The following SYT14 variants were observed in gnomAD, a reference collection of about 807,000 sequenced individuals.
SYT14 encodes the protein synaptotagmin 14.
SYT14 carries 32 observed loss-of-function variants against 74.2 expected under a neutral mutation model. The ratio of observed to expected loss-of-function variants is 0.43; its 90% CI spans 0.33 to 0.58. The LOEUF (loss-of-function observed/expected upper bound fraction) is 0.58, where lower values mean the gene tolerates loss of function less well. Among genes scored for constraint, SYT14 ranks in the 20% least tolerant of loss-of-function variants. The pLI is 0.05. For synonymous variants in SYT14, 298 were observed against 337.7 expected (o/e 0.88, Z 1.29); for missense variants, 791 against 981.8 (o/e 0.81, Z 2.60).
At chr1:209,952,100 T>C (rs553141695) in intron 1 of SYT14, among the ~76,000 whole-genome samples, 1 of 152,280 alleles carries the variant, frequency 6.6e-6, no homozygotes. Flanking sequence ...GTTTTATATA[T>C]TAGTGCACTT....
At position 210,038,427 on chromosome 1, in the gene SYT14, A is replaced by T. The variant is rs185126669; in HGVS notation, c.1312+17173A>T. 6.5e-4 allele frequency among the ~76,000 whole-genome samples: 99 copies of T among 152,216 alleles called. 4 individuals are homozygous for T. In the East Asian group the frequency reaches 0.014, roughly 22 times the overall value. The stretch of plus-strand genomic sequence containing the variant: ...TTTAAGGCATTTATGGTCAAGATTA[A>T]TATTGATATGTAGGGTTTCTTCTTG... On this transcript the variant is annotated intron_variant, in intron 5 of 9. Transcript: ENST00000637265.
At chr1:210,035,167 ACTG>A (rs1239402575) in intron 5 of SYT14, among the ~76,000 whole-genome samples, 1 of 151,606 alleles carries the variant, frequency 6.6e-6, no homozygotes, top group Non-Finnish European at 1.5e-5. Flanking sequence ...AGTCATTCTG[ACTG>A]GTGTCATATG....
chr1:210,120,048 GT>G (rs1408890203), intron 7 of SYT14, among the ~76,000 whole-genome samples: 1 of 151,964 alleles, frequency 6.6e-6, no homozygotes, highest in African/African-American at 2.4e-5. Flanking sequence ...TCTTAGAATT[GT>G]TTTTATAGGC....
At chr1:210,023,492 T>A (rs540912412) in intron 5 of SYT14, among the ~76,000 whole-genome samples, 1 of 151,948 alleles carries the variant, frequency 6.6e-6, no homozygotes, top group South Asian at 2.1e-4. Flanking sequence ...TACAGGCGCC[T>A]GCCACCATGC....
Position 210,110,667 on chromosome 1 carries a change from C to G in SYT14, c.2034+10206C>G, listed in dbSNP as rs752960506. ...AAGGATTATACTAAAATGTCAATCT[C>G]AGTCATAATTTGGTTCTATTTAAAT... On this transcript the variant is annotated intron_variant, in intron 7 of 9. Coordinates refer to ENST00000637265, the Ensembl canonical transcript of SYT14. Among the ~76,000 whole-genome samples, 120 of 152,214 alleles carry G rather than the reference C, an allele frequency of 7.9e-4. 1 individual carries two copies. Among genetic ancestry groups the G allele is most frequent in the Non-Finnish European group, 1.1e-3 (75 of 68,048 alleles).
chr1:210,113,852 G>A (rs372483374), intron 7 of SYT14, among the ~76,000 whole-genome samples: 2 of 151,266 alleles, frequency 1.3e-5, no homozygotes, highest in East Asian at 3.9e-4. Context: ...TGTCCAAGTT[G>A]GCACCAGAGT....
chr1:209,957,063 A>T (rs2079004651), intron 2 of SYT14, among the ~76,000 whole-genome samples: 1 of 152,034 alleles, frequency 6.6e-6, no homozygotes, highest in Non-Finnish European at 1.5e-5. Context: ...TTATGCTTGA[A>T]ACTAACTTAT....
chr1:210,018,194 T>C (rs912513747), intron 4 of SYT14, among the ~76,000 whole-genome samples: 1 of 152,204 alleles, frequency 6.6e-6, no homozygotes, highest in Admixed American at 6.5e-5. Flanking sequence ...ATTGCAGTGG[T>C]GCAATCTCGG....
At chr1:210,069,470 A>T (rs1445165537) in intron 5 of SYT14, among the ~76,000 whole-genome samples, 1 of 152,016 alleles carries the variant, frequency 6.6e-6, no homozygotes, top group Non-Finnish European at 1.5e-5. Flanking sequence ...TAAGGGACTT[A>T]CATGTTTACA....
At chr1:210,021,001 TTTC>T (rs1186195922) in intron 4 of SYT14, 35 bp from the exon 4 acceptor site, 11 of 1,598,602 alleles carry the variant, frequency 6.9e-6, no homozygotes, top group African/African-American at 1.3e-5. Flanking sequence ...GGAATTTTTT[TTTC>T]AATTACCGTT....
chr1:210,009,990 A>C (rs2080057170), intron 2 of SYT14, among the ~76,000 whole-genome samples: 1 of 151,856 alleles, frequency 6.6e-6, no homozygotes, highest in Non-Finnish European at 1.5e-5. Context: ...TTATCCTCTA[A>C]ATTTACATAA....
At chr1:210,001,537 T>C (rs888486591) in intron 2 of SYT14, among the ~76,000 whole-genome samples, 8 of 152,204 alleles carry the variant, frequency 5.3e-5, no homozygotes, top group African/African-American at 1.7e-4. Flanking sequence ...CTATCCCAAA[T>C]ATCAGCTGGC....
intron 5 of SYT14, among the ~76,000 whole-genome samples, chr1:210,068,768 G>T: frequency 6.6e-6 from 1 of 151,512 alleles, no homozygotes; most frequent in South Asian, 2.1e-4. Context: ...TTTTGGTTTT[G>T]TTAATCCTCT....
At chr1:210,159,293 T>C (rs896417821) in intron 8 of SYT14, 128 bp from the exon 8 acceptor site, 51 of 909,180 alleles carry the variant, frequency 5.6e-5, no homozygotes, top group Non-Finnish European at 7.4e-5. Context: ...ATTAAAATGC[T>C]AAAGTTTTGT....
intron 5 of SYT14, among the ~76,000 whole-genome samples, chr1:210,023,305 C>T (rs1405464466): frequency 6.6e-6 from 1 of 152,014 alleles, no homozygotes; most frequent in Non-Finnish European, 1.5e-5. Flanking sequence ...GTCTGTTAGT[C>T]ACATGAACAA....
intron 5 of SYT14, among the ~76,000 whole-genome samples, chr1:210,028,432 C>A (rs1422686743): frequency 6.6e-6 from 1 of 151,282 alleles, no homozygotes; most frequent in Admixed American, 6.6e-5. Context: ...AACTCCATTC[C>A]CCCTTCCCCC....
At chr1:210,125,128 A>G (rs1404923014) in intron 7 of SYT14, among the ~76,000 whole-genome samples, 4 of 151,900 alleles carry the variant, frequency 2.6e-5, no homozygotes, top group Non-Finnish European at 5.9e-5. Flanking sequence ...ATACTGCATA[A>G]TGCTGGAGTT....
At chr1:210,007,155 T>C (rs2080005039) in intron 2 of SYT14, among the ~76,000 whole-genome samples, 1 of 151,918 alleles carries the variant, frequency 6.6e-6, no homozygotes, top group Non-Finnish European at 1.5e-5. Flanking sequence ...TTATTTTTTG[T>C]AAATACATAT....
intron 2 of SYT14, among the ~76,000 whole-genome samples, chr1:209,985,299 GA>G (rs1264097372): frequency 1.3e-5 from 2 of 152,230 alleles, no homozygotes; most frequent in Non-Finnish European, 2.9e-5. Flanking sequence ...TCGGCCAAAA[GA>G]AAGGGGCTGC....
Sources: gnomAD v4.1 joint callset for allele counts (sites outside exome capture counted in the v4.1 genomes callset) on GRCh38, gnomAD v4.1.1 for gene constraint, MANE v1.5 for transcripts, NCBI Gene and HGNC (gene_info 2026-07-23, HGNC 2026-07-21) for gene names.